EPRS1: variants seen among roughly 807,000 people sequenced by gnomAD.
The protein encoded by EPRS1 is bifunctional glutamate/proline--tRNA ligase.
EPRS1 carries 107 observed loss-of-function variants against 188.3 expected under a neutral mutation model. The ratio of observed to expected loss-of-function variants is 0.57; its 90% confidence interval spans 0.49 to 0.67. The LOEUF is 0.67. Ranked by LOEUF, EPRS1 falls within the 30% of genes least tolerant of loss-of-function variation. EPRS1 has a pLI of 0.00. For missense variants in EPRS1, 1,577 were observed against 1,802.2 expected (o/e 0.88, Z 2.26); for synonymous variants, 596 against 593.1 (o/e 1.00, Z -0.07).
chr1:219,993,060 C>A (rs1342326991), intron 18 of EPRS1, among the ~76,000 whole-genome samples: 1 of 152,058 alleles, frequency 6.6e-6, no homozygotes, highest in Admixed American at 6.6e-5. Flanking sequence ...CACAGTGAAA[C>A]CCCGTCTCTA....
At chr1:219,987,107 G>A in intron 20 of EPRS1, 35 bp downstream of exon 20, 1 of 1,583,024 alleles carries the variant, frequency 6.3e-7, no homozygotes, top group South Asian at 1.2e-5. Flanking sequence ...TTAATTCACT[G>A]CTTTGCTTCA....
chr1:219,984,405 A>C, intron 20 of EPRS1, 148 bp from the exon 21 acceptor site: 1 of 658,828 alleles, frequency 1.5e-6, no homozygotes, highest in Non-Finnish European at 2.7e-6. Flanking sequence ...TTCATTCCCA[A>C]GATAACGTTG....
At chr1:219,974,501 T>C (rs1051622382) in intron 28 of EPRS1, among the ~76,000 whole-genome samples, 4 of 152,168 alleles carry the variant, frequency 2.6e-5, no homozygotes, top group African/African-American at 9.7e-5. Flanking sequence ...TTTTAAGTAA[T>C]TTTTTTGAAT....
chr1:220,010,604 G>T (rs1296465257), intron 13 of EPRS1, among the ~76,000 whole-genome samples: 1 of 152,080 alleles, frequency 6.6e-6, no homozygotes, highest in African/African-American at 2.4e-5. Context: ...GAGGTCAGGA[G>T]ATTGAGACCA....
At chr1:220,043,187 A>C (rs1186435855) in intron 1 of EPRS1, among the ~76,000 whole-genome samples, 1 of 152,196 alleles carries the variant, frequency 6.6e-6, no homozygotes, top group Admixed American at 6.5e-5. Flanking sequence ...AATACTCTAC[A>C]TGATGACTGT....
At chr1:220,005,385 T>C in intron 15 of EPRS1, 25 bp from the exon 16 acceptor site, 1 of 1,153,674 alleles carries the variant, frequency 8.7e-7, no homozygotes, top group South Asian at 1.4e-5. Context: ...TAAACCAAAG[T>C]ACACTTTCTC....
chr1:219,996,977 A>T lies in EPRS1; in HGVS notation c.2541+6T>A. ...ATGTGGTCTTGACTTTCTCTAACATACTGACCTTAGGGGATTTTTCAGCTT... is the reference window on the plus strand; with the variant it reads ...ATGTGGTCTTGACTTTCTCTAACATTCTGACCTTAGGGGATTTTTCAGCTT... On this transcript the variant is annotated splice_donor_region_variant and intron_variant, in intron 18 of 31. Transcript: ENST00000366923. The T allele has an allele frequency of 1.3e-6, 2 of 1,577,008 alleles. No homozygotes were observed. Among genetic ancestry groups the T allele is most frequent in the Middle Eastern group, 1.7e-4 (1 of 5,846 alleles).
intron 1 of EPRS1, among the ~76,000 whole-genome samples, chr1:220,044,699 A>T (rs973715927): frequency 1.6e-5 from 2 of 126,810 alleles, no homozygotes; most frequent in Non-Finnish European, 3.1e-5. Flanking sequence ...AAAAAAAAAA[A>T]AAAAAAAAAA....
chr1:220,017,952 A>C (rs1264854481), intron 12 of EPRS1, among the ~76,000 whole-genome samples: 7 of 152,218 alleles, frequency 4.6e-5, no homozygotes, highest in African/African-American at 1.7e-4. Context: ...CTTGGCACTA[A>C]GAAAACCAGA....
chr1:219,994,594 G>C (rs12057663), intron 18 of EPRS1, among the ~76,000 whole-genome samples: 5,352 of 148,834 alleles, frequency 0.036, 291 homozygotes, highest in African/African-American at 0.12. Flanking sequence ...AGAAGTTTGT[G>C]TAATGCGATG....
intron 17 of EPRS1, among the ~76,000 whole-genome samples, 156 bp downstream of exon 17, chr1:220,000,982 T>C (rs1661338918): frequency 6.6e-6 from 1 of 152,146 alleles, no homozygotes; most frequent in African/African-American, 2.4e-5. Flanking sequence ...TTTAAAATCT[T>C]ACATGAAAGG....
chr1:219,972,834 G>A (rs1660695756), intron 29 of EPRS1, among the ~76,000 whole-genome samples: 1 of 152,182 alleles, frequency 6.6e-6, no homozygotes, highest in Non-Finnish European at 1.5e-5. Flanking sequence ...GCTTTTAACA[G>A]TATAGTTTCC....
At chr1:220,017,538 A>C (rs1409514108) in intron 12 of EPRS1, among the ~76,000 whole-genome samples, 1 of 152,194 alleles carries the variant, frequency 6.6e-6, no homozygotes, top group African/African-American at 2.4e-5. Context: ...TGTATCAAAA[A>C]CTAAACACGA....
intron 20 of EPRS1, among the ~76,000 whole-genome samples, chr1:219,984,727 A>G (rs1660970956): frequency 1.3e-5 from 2 of 151,838 alleles, no homozygotes; most frequent in Admixed American, 1.3e-4. Context: ...CTAGCCCCTA[A>G]GATAATGTTT....
chr1:220,027,378 A>G (rs1222720242), intron 6 of EPRS1, among the ~76,000 whole-genome samples: 4 of 151,824 alleles, frequency 2.6e-5, no homozygotes, highest in Admixed American at 2.6e-4. Flanking sequence ...CAGTGAGCCA[A>G]GATCGTGCCA....
intron 16 of EPRS1, among the ~76,000 whole-genome samples, chr1:220,002,451 C>T (rs1661376902): frequency 6.6e-6 from 1 of 152,158 alleles, no homozygotes; most frequent in African/African-American, 2.4e-5. Flanking sequence ...ATGCCTGCCA[C>T]TAGAAAGGGC....
chr1:220,000,512 C>T (rs1276765731), intron 17 of EPRS1, among the ~76,000 whole-genome samples: 2 of 152,076 alleles, frequency 1.3e-5, no homozygotes, highest in African/African-American at 4.8e-5. Flanking sequence ...AACCATACCG[C>T]TCTTTTAACT....
chr1:220,042,597 C>T (rs1452152594), intron 1 of EPRS1, among the ~76,000 whole-genome samples: 1 of 151,726 alleles, frequency 6.6e-6, no homozygotes, highest in African/African-American at 2.4e-5. Context: ...TTAGCACACC[C>T]ATACAATGAA....
At chr1:219,985,516 C>G (rs185340911) in intron 20 of EPRS1, among the ~76,000 whole-genome samples, 2 of 152,112 alleles carry the variant, frequency 1.3e-5, no homozygotes, top group African/African-American at 2.4e-5. Flanking sequence ...CCTCAGCCCC[C>G]CTCCCCCACC....
Sources: gnomAD v4.1 joint callset for allele counts (sites outside exome capture counted in the v4.1 genomes callset) on GRCh38, gnomAD v4.1.1 for gene constraint, MANE v1.5 for transcripts, NCBI Gene and HGNC (gene_info 2026-07-23, HGNC 2026-07-21) for gene names.